Variants in CENPF observed in about 807,000 individuals in gnomAD.
CENPF encodes centromere protein F.
In CENPF, 214 loss-of-function variants were observed where a neutral mutation model predicts 307.3. The ratio of observed to expected loss-of-function variants is 0.70; its 90% CI spans 0.62 to 0.78. The LOEUF (loss-of-function observed/expected upper bound fraction) is 0.78, where lower values mean the gene tolerates loss of function less well. Among genes scored for constraint, CENPF ranks in the 30% least tolerant of loss-of-function variants. The pLI, the probability that CENPF is intolerant of heterozygous loss-of-function variation, is 0.00. For missense variants in CENPF, 3,401 were observed against 3,483.9 expected, an observed-to-expected ratio of 0.98 and a Z score of 0.60; for synonymous variants, 1,259 against 1,270.6, an observed-to-expected ratio of 0.99 and a Z score of 0.19.
chr1:214,656,630 A>T (rs570303374), intron 17 of CENPF, among the ~76,000 whole-genome samples: 1 of 152,290 alleles, frequency 6.6e-6, no homozygotes, highest in East Asian at 1.9e-4. Flanking sequence ...AATTTATTTG[A>T]TTGGATATAA....
At chr1:214,655,682 C>T (rs934308248) in intron 17 of CENPF, among the ~76,000 whole-genome samples, 4 of 152,116 alleles carry the variant, frequency 2.6e-5, no homozygotes, top group Non-Finnish European at 5.9e-5. Context: ...ATTGCAGCCT[C>T]GACCTCAAAG....
rs1279597601 is a variant in CENPF, at chr1:214,622,308, A to T, written c.1068+27A>T. 5 of 1,515,304 alleles carry T rather than the reference A, an allele frequency of 3.3e-6. No individual in the cohort carries two copies. In the Admixed American group the frequency reaches 9.8e-5, roughly 30 times the overall value. 93.9% of individuals were successfully genotyped at this position (1,515,304 alleles called of 1,614,324 possible). On this transcript the variant is annotated intron_variant, in intron 7 of 19. Transcript: ENST00000366955. ...TACTTGACTTTTCGTGAATTACTGG[A>T]GAAATCTTCATCTTTTCATACAATT... is the stretch of plus-strand genomic sequence containing the variant.
intron 1 of CENPF, among the ~76,000 whole-genome samples, chr1:214,604,818 G>A (rs1656979961): frequency 6.6e-6 from 1 of 152,024 alleles, no homozygotes. Context: ...TGGAATACAA[G>A]ATGCTGTGTT....
At position 214,643,296 on chromosome 1, in the gene CENPF, G is replaced by C. The variant is rs1223818651; in HGVS notation, c.4958G>C (p.Arg1653Pro). Residue 1653 changes from arginine (R) to proline (P), a missense_variant, in exon 12 of 20, where the codon CGG becomes CCG. Physicochemically the swap from Arg to Pro is moderately radical, Grantham distance 103. Transcript: ENST00000366955. Reference sequence around the variant, plus strand: ...CTACAAGGTCTGGACTTAAGTTCTCGGTCTTTGCTTGGCATCGACACAGAA... The same window carrying C: ...CTACAAGGTCTGGACTTAAGTTCTCCGTCTTTGCTTGGCATCGACACAGAA... ...LQLQGLDLSS[R>P]SLLGIDTEDA... The C allele has an allele frequency of 1.1e-5, 16 of 1,510,218 alleles. No individual in the cohort carries two copies. The highest frequency in any genetic ancestry group is 1.2e-5 in the Non-Finnish European group (14 of 1,133,216). 93.6% of individuals were successfully genotyped at this position (1,510,218 alleles called of 1,614,324 possible).
chr1:214,634,172 C>T lies in CENPF; in HGVS notation c.1446+1570C>T, dbSNP rs80009692. ...CATGCATCACATTTCACTGGTATAT[C>T]ATTGATGTCTGTGTCAAATGAGGGC... On this transcript the variant is annotated intron_variant, in intron 10 of 19. Transcript: ENST00000366955. 1.4e-3 allele frequency among the ~76,000 whole-genome samples: 210 copies of T among 152,322 alleles called. 2 individuals are homozygous for T. Among genetic ancestry groups the T allele is most frequent in the African/African-American group, 4.9e-3 (203 of 41,572 alleles).
At chr1:214,644,482 GTAATAACTAAATCTATTCTAT>G (rs1658222798) in intron 12 of CENPF, 54 bp from the exon 13 acceptor site, 3 of 1,400,502 alleles carry the variant, frequency 2.1e-6, no homozygotes, top group Non-Finnish European at 2.9e-6. Flanking sequence ...TTTCTAAAAA[GTAATAACTAAATCTATTCTAT>G]TTTGATTCTT....
intron 1 of CENPF, among the ~76,000 whole-genome samples, chr1:214,608,996 C>T (rs1182487667): frequency 6.6e-6 from 1 of 151,724 alleles, no homozygotes; most frequent in East Asian, 1.9e-4. Flanking sequence ...CGTTAGGAGG[C>T]CAGGGCCCAG....
intron 9 of CENPF, 129 bp from the exon 10 acceptor site, chr1:214,632,351 A>T: frequency 1.1e-6 from 1 of 951,966 alleles, no homozygotes; most frequent in Non-Finnish European, 1.6e-6. Flanking sequence ...TGTGACGTAT[A>T]CTGTATCTCA....
At chr1:214,608,605 C>T in intron 1 of CENPF, 1 of 1,608,430 alleles carries the variant, frequency 6.2e-7, no homozygotes, top group Non-Finnish European at 8.5e-7. Context: ...CTCGCGCTGG[C>T]TGTACTGGAA....
Position 214,641,203 on chromosome 1 carries a change from G to A in CENPF, c.2865G>A (p.Lys955=). The A allele has an allele frequency of 6.2e-7, 1 of 1,608,764 alleles. No individual in the cohort carries two copies. The highest frequency in any genetic ancestry group is 8.5e-7 in the Non-Finnish European group (1 of 1,178,630). Residue 955 remains lysine, a synonymous_variant, in exon 12 of 20, where the codon AAG becomes AAA. Transcript: ENST00000366955. The stretch of plus-strand genomic sequence containing the variant: ...TATCCGAAACCCTAAGCTTGGAGAA[G>A]AAAGAAATGAGTTCCATCATTTCTC... The part of the protein sequence containing the change: ...QLLSETLSLE[K]KEMSSIISLN...
At chr1:214,616,873 CT>C (rs1213471228) in intron 3 of CENPF, among the ~76,000 whole-genome samples, 2 of 94,238 alleles carry the variant, frequency 2.1e-5, no homozygotes, top group Non-Finnish European at 4.3e-5. Flanking sequence ...TTCTTTCTTT[CT>C]TTCTTTCTTT....
intron 1 of CENPF, 89 bp downstream of exon 1, chr1:214,603,410 CGG>C (rs1295522133): frequency 6.5e-6 from 1 of 152,808 alleles, no homozygotes; most frequent in African/African-American, 2.4e-5. Context: ...TTTTTGCCGG[CGG>C]GTACTGGGCG....
chr1:214,635,261 G>T (rs1185968195), intron 10 of CENPF, among the ~76,000 whole-genome samples: 20 of 152,336 alleles, frequency 1.3e-4, no homozygotes. Context: ...AGCAGGGGAC[G>T]TATTAAGCTA....
At position 214,644,789 on chromosome 1, in the gene CENPF, A is replaced by G. The variant is rs1024807084; in HGVS notation, c.5219A>G (p.Gln1740Arg). The G allele has an allele frequency of 1.9e-6, 3 of 1,613,986 alleles. No homozygotes were observed. The highest frequency in any genetic ancestry group is 2.5e-6 in the Non-Finnish European group (3 of 1,179,978). The change falls in exon 13 of 20, where the codon CAG becomes CGG. Residue 1740 changes from glutamine (Q) to arginine (R), a missense_variant. Physicochemically the swap from Gln to Arg is conservative, Grantham distance 43 (BLOSUM62 1). Transcript: ENST00000366955. Reference sequence around the variant, plus strand: ...GAGCCTCCAGGGGAAGATAAAACCCAGGGCTCTTCAGAATGCATTTCTGAA... The same window carrying G: ...GAGCCTCCAGGGGAAGATAAAACCCGGGGCTCTTCAGAATGCATTTCTGAA... Reference protein sequence around the residue: ...NYEPPGEDKTQGSSECISELS... With the variant: ...NYEPPGEDKTRGSSECISELS...
rs139477146 is a variant in CENPF at position 214,658,556 on chromosome 1, A to G, written c.8963-294A>G. On this transcript the variant is annotated intron_variant, in intron 18 of 19. Coordinates refer to ENST00000366955, the MANE Select transcript of CENPF (RefSeq NM_016343.4). The stretch of plus-strand genomic sequence containing the variant: ...AGATCTTAGAAAAATGCAAAATAAA[A>G]CATCTACATAGAAGATAGAAGCAGA... 2.1e-3 allele frequency among the ~76,000 whole-genome samples: 316 copies of G among 152,190 alleles called. 1 individual carries two copies. Among genetic ancestry groups the G allele is most frequent in the African/African-American group, 7.0e-3 (289 of 41,518 alleles).
At position 214,640,939 on chromosome 1, in the gene CENPF, C is replaced by T; in HGVS notation, c.2601C>T (p.Leu867=). The T allele has an allele frequency of 1.2e-6, 2 of 1,609,650 alleles. No homozygotes were observed. Among genetic ancestry groups the T allele is most frequent in the Admixed American group, 1.7e-5 (1 of 58,870 alleles). ...VQIKGEIEEN[L]MKAEQMHQSF... ...TCAAAGGAGAAATAGAAGAAAATCT[C>T]ATGAAAGCAGAACAGATGCATCAAA... Residue 867 remains leucine (L), a synonymous_variant, in exon 12 of 20, where the codon CTC becomes CTT. Coordinates refer to ENST00000366955, the MANE Select transcript of CENPF (RefSeq NM_016343.4).
chr1:214,643,837 A>G (rs144096518), intron 12 of CENPF, among the ~76,000 whole-genome samples: 1 of 152,340 alleles, frequency 6.6e-6, no homozygotes, highest in Admixed American at 6.5e-5. Flanking sequence ...GATTTGGTAT[A>G]AGTCATTTAA....
chr1:214,616,704 T>C (rs944909865), intron 3 of CENPF, among the ~76,000 whole-genome samples: 4 of 152,162 alleles, frequency 2.6e-5, no homozygotes, highest in Admixed American at 6.5e-5. Flanking sequence ...ATGTGGTGGT[T>C]TGATTTGCTG....
intron 17 of CENPF, among the ~76,000 whole-genome samples, chr1:214,655,715 C>T (rs933745824): frequency 1.3e-5 from 2 of 152,084 alleles, no homozygotes; most frequent in African/African-American, 2.4e-5. Flanking sequence ...CTCAGCCTCC[C>T]GAGTAGCTGG....
Sources: allele counts gnomAD v4.1 joint callset (sites outside exome capture counted in the v4.1 genomes callset), GRCh38; gene constraint gnomAD v4.1.1; transcripts MANE v1.5; gene names NCBI Gene and HGNC (gene_info 2026-07-23, HGNC 2026-07-21).